The following PCDHA13 variants were observed in gnomAD, a reference collection of about 807,000 sequenced individuals.
PCDHA13 encodes protocadherin alpha 13.
PCDHA13 carries 54 observed loss-of-function variants against 64.8 expected under a neutral mutation model. The ratio of observed to expected loss-of-function variants is 0.83; its 90% CI spans 0.67 to 1.04. The LOEUF (loss-of-function observed/expected upper bound fraction) is 1.04. PCDHA13 is among the 50% of genes least tolerant of loss of function. The pLI is 0.00. For missense variants in PCDHA13, 1,248 were observed against 1,254.3 expected (o/e 0.99, Z 0.08); for synonymous variants, 587 against 564.4 (o/e 1.04, Z -0.57).
Position 140,982,485 on chromosome 5 carries a change from C to T in PCDHA13, c.2464C>T (p.Leu822=). 1 of 1,614,100 alleles carries T rather than the reference C, an allele frequency of 6.2e-7. No homozygotes were observed. The highest frequency in any genetic ancestry group is 8.5e-7 in the Non-Finnish European group (1 of 1,180,004). The part of the protein sequence containing the change: ...LRAGMHSSVH[L]EEAGILRAGP... ...TGTGTGTTTATTCAGCTCTGTGCAC[C>T]TAGAGGAGGCTGGCATTCTACGGGC... The change falls in exon 3 of 4, where the codon CTA becomes TTA. Residue 822 remains leucine (L), a synonymous_variant. Coordinates refer to ENST00000289272, the MANE Select transcript of PCDHA13 (RefSeq NM_018904.3).
chr5:140,941,201 TCC>T lies in PCDHA13; in HGVS notation c.2395-37747_2395-37746del, dbSNP rs1554213890. On this transcript the variant is annotated intron_variant, in intron 1 of 3. Coordinates refer to ENST00000289272, the MANE Select transcript of PCDHA13 (RefSeq NM_018904.3). The stretch of plus-strand genomic sequence containing the variant: ...ATCCTGCTTCTTTTTTTTTCTTTCT[TCC>T]TTTCTTTCTTCCTTTCTTTCTTTCT... 4.9e-3 allele frequency among the ~76,000 whole-genome samples: 512 copies of T among 103,578 alleles called. 4 individuals are homozygous for T. The highest frequency in any genetic ancestry group is 7.0e-3 in the African/African-American group (178 of 25,432). 68.0% of individuals were successfully genotyped at this position (103,578 alleles called of 152,430 possible). A position where few individuals can be genotyped will look rare whatever the true frequency, so the allele number is the denominator to read the frequency against.
rs371830340 is a variant in PCDHA13 at position 140,947,864 on chromosome 5, C to G, written c.2395-31085C>G. Reference sequence around the variant, plus strand: ...TTTATTTATTTTGTCATTATAATGGCTAGGACTTCCAGGACAATATAAACA... The same window carrying G: ...TTTATTTATTTTGTCATTATAATGGGTAGGACTTCCAGGACAATATAAACA... On this transcript the variant is annotated intron_variant, in intron 1 of 3. Coordinates refer to ENST00000289272, the MANE Select transcript of PCDHA13 (RefSeq NM_018904.3). Among the ~76,000 whole-genome samples the G allele has an allele frequency of 1.4e-4, 21 of 151,554 alleles. No homozygotes were observed. The East Asian group carries it at 2.3e-3, about 17-fold the overall frequency.
chr5:141,009,356 G>A (rs535761188), intron 3 of PCDHA13, among the ~76,000 whole-genome samples: 1 of 152,204 alleles, frequency 6.6e-6, no homozygotes, highest in Admixed American at 6.5e-5. Flanking sequence ...CTACTTGGGA[G>A]GCTAAGATGG....
intron 3 of PCDHA13, among the ~76,000 whole-genome samples, chr5:141,008,057 C>T (rs1472919496): frequency 3.9e-5 from 6 of 152,020 alleles, no homozygotes; most frequent in African/African-American, 1.2e-4. Context: ...GGGGTCCAGT[C>T]CATCTAAGAA....
At chr5:140,888,315 C>A (rs2061784289) in intron 1 of PCDHA13, among the ~76,000 whole-genome samples, 1 of 152,084 alleles carries the variant, frequency 6.6e-6, no homozygotes, top group Non-Finnish European at 1.5e-5. Flanking sequence ...TTGGCAATGC[C>A]TGGATACATT....
intron 1 of PCDHA13, among the ~76,000 whole-genome samples, chr5:140,917,223 C>T (rs1351907671): frequency 2.0e-5 from 3 of 150,934 alleles, no homozygotes; most frequent in African/African-American, 4.9e-5. Flanking sequence ...TTTAGTGATA[C>T]GTTGTTAAAT....
At chr5:140,982,214 TG>T in intron 2 of PCDHA13, 1 of 485,000 alleles carries the variant, frequency 2.1e-6, no homozygotes, top group Non-Finnish European at 3.3e-6. Flanking sequence ...GAGCGCCACA[TG>T]GCGTTAATAA....
intron 1 of PCDHA13, chr5:140,968,861 C>T (rs139036960): frequency 5.6e-5 from 90 of 1,614,182 alleles, no homozygotes; most frequent in Admixed American, 2.8e-4. Flanking sequence ...TAAGAGCCCT[C>T]GGACATACTC....
At chr5:140,903,500 G>C (rs553764100) in intron 1 of PCDHA13, among the ~76,000 whole-genome samples, 5 of 152,184 alleles carry the variant, frequency 3.3e-5, no homozygotes, top group Non-Finnish European at 7.3e-5. Flanking sequence ...AGGTACCATA[G>C]ATAATAGTTC....
chr5:140,969,076 T>C, intron 1 of PCDHA13: 2 of 1,614,162 alleles, frequency 1.2e-6, no homozygotes, highest in South Asian at 2.2e-5. Flanking sequence ...GGATACCGCA[T>C]GGCCTCAAAG....
At chr5:140,892,324 C>T (rs1158961031) in intron 1 of PCDHA13, among the ~76,000 whole-genome samples, 3 of 152,308 alleles carry the variant, frequency 2.0e-5, no homozygotes, top group Non-Finnish European at 4.4e-5. Context: ...CATTTTCTTT[C>T]TCCAGAATGG....
At chr5:140,885,434 T>C (rs1554182149) in intron 1 of PCDHA13, among the ~76,000 whole-genome samples, 1 of 152,158 alleles carries the variant, frequency 6.6e-6, no homozygotes, top group African/African-American at 2.4e-5. Context: ...AGTGTAAGTG[T>C]GCAATTATAT....
intron 3 of PCDHA13, among the ~76,000 whole-genome samples, chr5:140,988,180 G>C (rs2097285964): frequency 1.3e-5 from 2 of 152,134 alleles, no homozygotes; most frequent in Admixed American, 1.3e-4. Context: ...TGACAGTCCT[G>C]GGAGGTGTGT....
Position 140,974,586 on chromosome 5 carries a change from A to G in PCDHA13, c.2395-4363A>G, listed in dbSNP as rs150396044. Among the ~76,000 whole-genome samples, 599 of 152,220 alleles carry G rather than the reference A, an allele frequency of 3.9e-3. 3 individuals carry two copies. Among genetic ancestry groups the G allele is most frequent in the African/African-American group, 0.014 (565 of 41,540 alleles). On this transcript the variant is annotated intron_variant, in intron 1 of 3. Transcript: ENST00000289272. The stretch of plus-strand genomic sequence containing the variant: ...GAGTGCAATGGCATGATCTTGGCTC[A>G]CTGCAACCTCTGCCTCCAGGGTTCA...
At position 140,900,569 on chromosome 5, in the gene PCDHA13, A is replaced by AC. The variant is rs201845192; in HGVS notation, c.2394+15909dup. 8.0e-3 allele frequency among the ~76,000 whole-genome samples: 1,218 copies of AC among 152,298 alleles called. 6 individuals carry two copies. Among genetic ancestry groups the AC allele is most frequent in the African/African-American group, 0.019 (786 of 41,566 alleles). On this transcript the variant is annotated intron_variant, in intron 1 of 3. Coordinates refer to ENST00000289272, the MANE Select transcript of PCDHA13 (RefSeq NM_018904.3). The stretch of plus-strand genomic sequence containing the variant: ...TGGGATTACAGGCGTGAGCCACGGC[A>AC]CCGGCCCATTTTCTTTACCCGTTCA...
chr5:140,882,629 G>C lies in PCDHA13; in HGVS notation c.361G>C (p.Val121Leu). Residue 121 changes from valine to leucine, a missense_variant, in exon 1 of 4, where the codon GTG becomes CTG. Physicochemically the swap from Val to Leu is conservative, Grantham distance 32 (BLOSUM62 1). Transcript: ENST00000289272. The part of the protein sequence containing the change: ...DRPLQVFHVE[V>L]KVRDINDNPP... Reference sequence around the variant, plus strand: ...GCCTCTGCAGGTTTTCCATGTGGAGGTGAAGGTGAGGGACATTAACGACAA... The same window carrying C: ...GCCTCTGCAGGTTTTCCATGTGGAGCTGAAGGTGAGGGACATTAACGACAA... The C allele has an allele frequency of 6.2e-7, 1 of 1,614,254 alleles. No homozygotes were observed. Among genetic ancestry groups the C allele is most frequent in the Non-Finnish European group, 8.5e-7 (1 of 1,180,044 alleles).
chr5:141,001,114 A>G (rs1456437716), intron 3 of PCDHA13, among the ~76,000 whole-genome samples: 4 of 152,062 alleles, frequency 2.6e-5, no homozygotes, highest in Non-Finnish European at 4.4e-5. Flanking sequence ...TAAGCAATCA[A>G]TAGTCCTTAA....
At chr5:140,890,917 G>C (rs1465334645) in intron 1 of PCDHA13, among the ~76,000 whole-genome samples, 3 of 152,116 alleles carry the variant, frequency 2.0e-5, no homozygotes, top group Non-Finnish European at 4.4e-5. Context: ...AATAATTTGA[G>C]AGTTTCCTTT....
At chr5:140,888,118 T>C (rs2061702019) in intron 1 of PCDHA13, among the ~76,000 whole-genome samples, 1 of 152,228 alleles carries the variant, frequency 6.6e-6, no homozygotes, top group Non-Finnish European at 1.5e-5. Context: ...TCTATCTTCT[T>C]CTATGGATAT....
Sources: allele counts gnomAD v4.1 joint callset (sites outside exome capture counted in the v4.1 genomes callset), GRCh38; gene constraint gnomAD v4.1.1; transcripts MANE v1.5; gene names NCBI Gene and HGNC (gene_info 2026-07-23, HGNC 2026-07-21).